Variants in KAZN observed in about 807,000 individuals in gnomAD.
KAZN encodes the protein kazrin, periplakin interacting protein, also known as kazrin.
Under a neutral mutation model 87.4 loss-of-function variants are expected in KAZN, and 40 were observed. That is an observed-to-expected ratio of 0.46 (90% CI 0.36 to 0.60). The LOEUF (loss-of-function observed/expected upper bound fraction) is 0.60, where lower values mean the gene tolerates loss of function less well. KAZN is among the 20% of genes least tolerant of loss of function. KAZN has a pLI of 0.00. For missense variants in KAZN, 898 were observed against 1,073.9 expected, an observed-to-expected ratio of 0.84 and a Z score of 2.29; for synonymous variants, 466 against 458.3, an observed-to-expected ratio of 1.02 and a Z score of -0.22.
rs866341605 is a variant in KAZN at position 15,081,180 on chromosome 1, T to G, written c.1223-13000T>G. The stretch of plus-strand genomic sequence containing the variant: ...TTCCTGCCTTCTTTTACTCAATACT[T>G]AGAGGGCTCATTCAATTGCAGGCAG... On this transcript the variant is annotated intron_variant, in intron 8 of 14. Coordinates refer to ENST00000376030, the MANE Select transcript of KAZN (RefSeq NM_201628.3). The surrounding 1 kb of genome is among the most constrained non-coding windows in gnomAD (Gnocchi z 4.1). Among the ~76,000 whole-genome samples the G allele has an allele frequency of 3.3e-5, 5 of 152,144 alleles. No individual in the cohort carries two copies. Among genetic ancestry groups the G allele is most frequent in the Admixed American group, 2.0e-4 (3 of 15,278 alleles).
intron 1 of KAZN, among the ~76,000 whole-genome samples, chr1:13,928,353 C>A (rs145898200): frequency 6.6e-6 from 1 of 152,256 alleles, no homozygotes; most frequent in East Asian, 1.9e-4. Context: ...ATAGTAACAG[C>A]TTCTCTGAGA....
At chr1:15,013,593 A>G (rs1186114868) in intron 2 of KAZN, among the ~76,000 whole-genome samples, 1 of 151,510 alleles carries the variant, frequency 6.6e-6, no homozygotes, top group African/African-American at 2.4e-5. Context: ...GTCTCTATTA[A>G]AAAAATATAA....
intron 1 of KAZN, among the ~76,000 whole-genome samples, chr1:14,770,313 T>C (rs1293779684): frequency 1.3e-5 from 2 of 152,324 alleles, no homozygotes; most frequent in East Asian, 1.9e-4. Context: ...TTGAAGCTAA[T>C]GTATGTAGCC....
chr1:15,036,674 G>A (rs941021635), intron 3 of KAZN, among the ~76,000 whole-genome samples: 12 of 152,166 alleles, frequency 7.9e-5, no homozygotes, highest in African/African-American at 2.9e-4. Context: ...CCAGCAAGGA[G>A]TCAGAGACCA....
intron 1 of KAZN, among the ~76,000 whole-genome samples, chr1:14,147,520 G>A (rs535527808): frequency 3.5e-4 from 53 of 152,324 alleles, no homozygotes; most frequent in South Asian, 1.0e-3. Flanking sequence ...AGGGCTGGGC[G>A]TGGTGGCTCA....
chr1:14,813,724 T>C (rs1446823054), intron 1 of KAZN, among the ~76,000 whole-genome samples: 1 of 152,250 alleles, frequency 6.6e-6, no homozygotes, highest in African/African-American at 2.4e-5. Flanking sequence ...TCAAGGAAAC[T>C]TCCTCTAGTG....
intron 1 of KAZN, among the ~76,000 whole-genome samples, chr1:14,130,189 T>A (rs1056936615): frequency 6.6e-6 from 1 of 152,188 alleles, no homozygotes; most frequent in African/African-American, 2.4e-5. Flanking sequence ...CTCCTCTTTC[T>A]TTTTTTCATT....
At chr1:14,393,285 C>T (rs546432987) in intron 2 of KAZN, among the ~76,000 whole-genome samples, 15 of 152,256 alleles carry the variant, frequency 9.9e-5, no homozygotes, top group African/African-American at 3.1e-4. Flanking sequence ...AGTTTGAGAA[C>T]GCTGAAGTCA....
At chr1:14,846,567 A>G (rs1216029190) in intron 1 of KAZN, among the ~76,000 whole-genome samples, 1 of 152,210 alleles carries the variant, frequency 6.6e-6, no homozygotes, top group Non-Finnish European at 1.5e-5. Flanking sequence ...GGCTGACACA[A>G]GAACACATAT....
At chr1:14,157,807 G>A (rs979481068) in intron 1 of KAZN, among the ~76,000 whole-genome samples, 5 of 152,112 alleles carry the variant, frequency 3.3e-5, no homozygotes, top group African/African-American at 7.2e-5. Flanking sequence ...ATGCTGGGGG[G>A]GCCTCAGGAA....
rs956582302 is a variant in KAZN at position 14,388,747 on chromosome 1, T to C, written c.249+208155T>C. 8.5e-5 allele frequency among the ~76,000 whole-genome samples: 13 copies of C among 152,186 alleles called. No individual in the cohort carries two copies. The East Asian group carries it at 2.3e-3, about 27-fold the overall frequency. On this transcript the variant is annotated intron_variant, in intron 2 of 16. Transcript: ENST00000636203. ...ATAAGACCTAAAACTATGATACTAC[T>C]AAAAGAAAACATTAGGGAAACTCTC...
intron 10 of KAZN, among the ~76,000 whole-genome samples, chr1:15,098,060 A>G (rs534248644): frequency 6.6e-6 from 1 of 152,232 alleles, no homozygotes; most frequent in East Asian, 1.9e-4. Context: ...GGCAAGCGCA[A>G]TTCTCCCCGT....
At chr1:14,554,128 G>T (rs1289370966) in intron 2 of KAZN, among the ~76,000 whole-genome samples, 1 of 152,118 alleles carries the variant, frequency 6.6e-6, no homozygotes, top group Non-Finnish European at 1.5e-5. Context: ...TTGAGCCTCG[G>T]TGACCTCATT....
rs919166371 is a variant in KAZN at position 14,318,347 on chromosome 1, T to C, written c.249+137755T>C. ...CTCTAGAATGCTATGTTAACTGTTT[T>C]TCTTTCTGCTCTTTAAAAATATTAC... On this transcript the variant is annotated intron_variant, in intron 2 of 16. Transcript: ENST00000636203. Among the ~76,000 whole-genome samples the C allele has an allele frequency of 1.6e-4, 24 of 152,098 alleles. 1 individual carries two copies. The highest frequency in any genetic ancestry group is 5.8e-4 in the African/African-American group (24 of 41,450).
Position 15,085,629 on chromosome 1 carries a change from A to G in KAZN, c.1223-8551A>G, listed in dbSNP as rs1439643461. Among the ~76,000 whole-genome samples, 3 of 152,296 alleles carry G rather than the reference A, an allele frequency of 2.0e-5. No individual in the cohort carries two copies. In the East Asian group the frequency reaches 5.8e-4, roughly 29 times the overall value. On this transcript the variant is annotated intron_variant, in intron 8 of 14. Transcript: ENST00000376030. ...AGGCGTGAGCCACCACGCACCACCCACTAGCCACATTTATTAGCTCATAAC... is the reference window on the plus strand; with the variant it reads ...AGGCGTGAGCCACCACGCACCACCCGCTAGCCACATTTATTAGCTCATAAC...
intron 1 of KAZN, among the ~76,000 whole-genome samples, chr1:14,135,961 C>T (rs779231452): frequency 3.3e-5 from 5 of 152,132 alleles, no homozygotes; most frequent in Non-Finnish European, 7.4e-5. Flanking sequence ...ATCAGAAAGC[C>T]CCCACTTTAC....
At position 14,987,193 on chromosome 1, in the gene KAZN, T is replaced by G. The variant is rs1315714244; in HGVS notation, c.418+26318T>G. Among the ~76,000 whole-genome samples, 5 of 152,128 alleles carry G rather than the reference T, an allele frequency of 3.3e-5. No individual in the cohort carries two copies. The East Asian group carries it at 9.7e-4, about 29-fold the overall frequency. ...AGTGTAGGGCTGCTTTGCACACGATTGCCAAAGAAGTTCTCTCTGGGCCGG... is the reference window on the plus strand; with the variant it reads ...AGTGTAGGGCTGCTTTGCACACGATGGCCAAAGAAGTTCTCTCTGGGCCGG... On this transcript the variant is annotated intron_variant, in intron 2 of 14. Transcript: ENST00000376030.
At position 14,927,556 on chromosome 1, in the gene KAZN, G is replaced by T. The variant is rs376473995; in HGVS notation, c.227-33128G>T. Among the ~76,000 whole-genome samples the T allele has an allele frequency of 6.6e-5, 10 of 152,290 alleles. No homozygotes were observed. The South Asian group carries it at 1.2e-3, about 19-fold the overall frequency. Reference sequence around the variant, plus strand: ...TTCTAGAATGAAGTGAGGTGTGTGGGTGCTGAGTTTCTAAGGCAAGAGGGT... The same window carrying T: ...TTCTAGAATGAAGTGAGGTGTGTGGTTGCTGAGTTTCTAAGGCAAGAGGGT... On this transcript the variant is annotated intron_variant, in intron 1 of 14. Coordinates refer to ENST00000376030, the MANE Select transcript of KAZN (RefSeq NM_201628.3).
At chr1:14,223,725 G>A (rs567089690) in intron 2 of KAZN, among the ~76,000 whole-genome samples, 5 of 152,278 alleles carry the variant, frequency 3.3e-5, no homozygotes, top group South Asian at 4.1e-4. Context: ...GACTCTCGAC[G>A]ATGAAACTGA....
Sources: allele counts gnomAD v4.1 joint callset (sites outside exome capture counted in the v4.1 genomes callset), GRCh38; gene constraint gnomAD v4.1.1; non-coding constraint Gnocchi (gnomAD v3.1); transcripts MANE v1.5; gene names NCBI Gene and HGNC (gene_info 2026-07-23, HGNC 2026-07-21).